H3-3A: variants seen among roughly 807,000 people sequenced by gnomAD.
H3-3A encodes H3.3 histone A, also known as histone H3.3.
For missense variants in H3-3A, 7 were observed against 184.0 expected (o/e 0.04, Z 5.57); for synonymous variants, 49 against 61.4 (o/e 0.80, Z 0.95).
intron 3 of H3-3A, among the ~76,000 whole-genome samples, chr1:226,067,448 C>A (rs1657965309): frequency 6.6e-6 from 1 of 151,996 alleles, no homozygotes; most frequent in Admixed American, 6.6e-5. Context: ...CTTAAAAATA[C>A]AGAGAGTGGG....
chr1:226,066,135 A>T, intron 3 of H3-3A: 1 of 438,442 alleles, frequency 2.3e-6, no homozygotes, highest in Admixed American at 3.8e-5. Flanking sequence ...ATTAAGAAGA[A>T]CTTGAGACTA....
chr1:226,071,316 C>T (rs371058324), intron 3 of H3-3A, 35 bp from the exon 4 acceptor site: 153 of 1,585,012 alleles, frequency 9.7e-5, no homozygotes, highest in Non-Finnish European at 1.2e-4. Context: ...TTGGAAATAA[C>T]ATCATCAGTA....
At chr1:226,063,094 TC>T (rs1289856808) in intron 1 of H3-3A, among the ~76,000 whole-genome samples, 2 of 151,198 alleles carry the variant, frequency 1.3e-5, no homozygotes, top group Non-Finnish European at 2.9e-5. Flanking sequence ...TTCGGTGAAA[TC>T]CCGCCCGCCG....
Position 226,064,444 on chromosome 1 carries a change from C to T in H3-3A, c.93C>T (p.Pro31=). The part of the protein sequence containing the change: ...LATKAARKSA[P]STGGVKKPHR... ...CAAAAGCCGCTCGCAAGAGTGCGCC[C>T]TCTACTGGAGGGGTGAAGAAACCTC... The change falls in exon 2 of 4, where the codon CCC becomes CCT. Residue 31 remains proline, a synonymous_variant. Coordinates refer to ENST00000366815, the MANE Select transcript of H3-3A (RefSeq NM_002107.7). 6.2e-7 allele frequency: 1 copy of T among 1,612,554 alleles called. No individual in the cohort carries two copies. Among genetic ancestry groups the T allele is most frequent in the Non-Finnish European group, 8.5e-7 (1 of 1,178,916 alleles).
chr1:226,066,034 A>G, intron 3 of H3-3A: 2 of 579,526 alleles, frequency 3.5e-6, no homozygotes, highest in Non-Finnish European at 3.2e-6. Context: ...CTTAGTGCAC[A>G]TTCCATTATA....
intron 3 of H3-3A, chr1:226,066,131 A>C (rs1657917172): frequency 2.2e-6 from 1 of 447,610 alleles, no homozygotes; most frequent in Non-Finnish European, 4.0e-6. Context: ...GGACATTAAG[A>C]AGAACTTGAG....
chr1:226,065,566 G>T, intron 2 of H3-3A, 90 bp from the exon 3 acceptor site: 1 of 914,824 alleles, frequency 1.1e-6, no homozygotes, highest in Non-Finnish European at 1.6e-6. Context: ...CTTATTTTTT[G>T]AAAGATTACT....
chr1:226,063,353 A>T (rs1389311862), intron 1 of H3-3A, among the ~76,000 whole-genome samples: 1 of 152,134 alleles, frequency 6.6e-6, no homozygotes, highest in East Asian at 1.9e-4. Flanking sequence ...AAAAGCAAGA[A>T]TTTTTAAAAG....
At position 226,064,813 on chromosome 1, in the gene H3-3A, A is replaced by G. The variant is rs565288553; in HGVS notation, c.128+334A>G. On this transcript the variant is annotated intron_variant, in intron 2 of 3. Coordinates refer to ENST00000366815, the MANE Select transcript of H3-3A (RefSeq NM_002107.7). ...AAATAGTTAAGTGTTGCTTTCTTGAATACACTTTTGAGGTTATCTTTCCTA... is the reference window on the plus strand; with the variant it reads ...AAATAGTTAAGTGTTGCTTTCTTGAGTACACTTTTGAGGTTATCTTTCCTA... 3.3e-5 allele frequency among the ~76,000 whole-genome samples: 5 copies of G among 152,314 alleles called. No individual in the cohort carries two copies. The South Asian group carries it at 1.0e-3, about 32-fold the overall frequency.
At chr1:226,068,015 G>A (rs1364906498) in intron 3 of H3-3A, among the ~76,000 whole-genome samples, 2 of 152,210 alleles carry the variant, frequency 1.3e-5, no homozygotes, top group African/African-American at 4.8e-5. Context: ...TAAGTGGACA[G>A]TGTTGCTTTG....
At chr1:226,070,455 AAG>A (rs1411383636) in intron 3 of H3-3A, among the ~76,000 whole-genome samples, 1 of 118,232 alleles carries the variant, frequency 8.5e-6, no homozygotes, top group Non-Finnish European at 1.8e-5. Context: ...CTGGGCAACA[AAG>A]AGAGACTCCG....
intron 3 of H3-3A, among the ~76,000 whole-genome samples, chr1:226,071,136 A>C (rs921954744): frequency 2.0e-5 from 3 of 152,254 alleles, no homozygotes; most frequent in African/African-American, 7.2e-5. Flanking sequence ...TAACTTGATA[A>C]AAGATTTACT....
At chr1:226,066,417 T>G (rs1028040338) in intron 3 of H3-3A, 1 of 152,420 alleles carries the variant, frequency 6.6e-6, no homozygotes, top group African/African-American at 2.4e-5. Flanking sequence ...GGATTAGGGA[T>G]TGCCACTTAC....
chr1:226,066,584 A>C (rs1486041665), intron 3 of H3-3A: 1 of 152,246 alleles, frequency 6.6e-6, no homozygotes, highest in Non-Finnish European at 1.5e-5. Context: ...TGTAGACGTC[A>C]TTAACATCAG....
intron 2 of H3-3A, among the ~76,000 whole-genome samples, chr1:226,065,305 A>G (rs1657889396): frequency 6.6e-6 from 1 of 152,200 alleles, no homozygotes; most frequent in African/African-American, 2.4e-5. Flanking sequence ...TAGAGGGTGT[A>G]GGGAAGGAGA....
At chr1:226,066,375 G>C (rs41268721) in intron 3 of H3-3A, 68 of 153,172 alleles carry the variant, frequency 4.4e-4, no homozygotes, top group Middle Eastern at 6.8e-3. Flanking sequence ...ACGTGTAAAG[G>C]GGCCAGGATT....
At position 226,071,365 on chromosome 1, in the gene H3-3A, C is replaced by A. The variant is rs1258367594; in HGVS notation, c.297C>A (p.Ala99=). 2.0e-5 allele frequency: 32 copies of A among 1,604,348 alleles called. No individual in the cohort carries two copies. The highest frequency in any genetic ancestry group is 2.6e-5 in the Non-Finnish European group (31 of 1,173,452). ...AIGALQEASE[A]YLVGLFEDTN... ...TCCTTTTGCAGGAGGCAAGTGAGGC[C>A]TATCTGGTTGGCCTTTTTGAAGACA... Residue 99 remains alanine (A), a synonymous_variant, in exon 4 of 4, where the codon GCC becomes GCA. Transcript: ENST00000366815.
chr1:226,062,000 C>T (rs1657720101), upstream of H3-3A: 1 of 152,200 alleles, frequency 6.6e-6, no homozygotes, highest in Non-Finnish European at 1.5e-5. Context: ...CTACGGCGGA[C>T]TCGGGCCGGT....
chr1:226,071,331 T>G lies in H3-3A; in HGVS notation c.283-20T>G. The G allele has an allele frequency of 3.7e-6, 6 of 1,604,168 alleles. No homozygotes were observed. Among genetic ancestry groups the G allele is most frequent in the Non-Finnish European group, 5.1e-6 (6 of 1,172,648 alleles). ...TTGGAAATAACATCATCAGTAATTT[T>G]TTCTTCATTCCTTTTGCAGGAGGCA... On this transcript the variant is annotated intron_variant, in intron 3 of 3. Transcript: ENST00000366815.
Sources: gnomAD v4.1 joint callset for allele counts (sites outside exome capture counted in the v4.1 genomes callset) on GRCh38, gnomAD v4.1.1 for gene constraint, MANE v1.5 for transcripts, NCBI Gene and HGNC (gene_info 2026-07-23, HGNC 2026-07-21) for gene names.